SLC27A1: variants seen among roughly 807,000 people sequenced by gnomAD.
SLC27A1 encodes the protein long-chain fatty acid transport protein 1.
Under a neutral mutation model 62.2 loss-of-function variants are expected in SLC27A1, and 61 were observed. The ratio of observed to expected loss-of-function variants is 0.98; its 90% CI spans 0.80 to 1.21. SLC27A1 has a LOEUF of 1.21. SLC27A1 is among the 50% of genes most tolerant of loss of function. SLC27A1 has a pLI of 0.00. For synonymous variants in SLC27A1, 435 were observed against 408.6 expected, an observed-to-expected ratio of 1.06 and a Z score of -0.78; for missense variants, 903 against 932.1, an observed-to-expected ratio of 0.97 and a Z score of 0.41.
In SLC27A1 at chr19:17,504,350, G is replaced by A. The variant is rs996788306; in HGVS notation, c.1784-105G>A. On this transcript the variant is annotated intron_variant, in intron 11 of 11. Transcript: ENST00000252595. ...AAATGGGGAAGAACATTCCTGCCCA[G>A]GGGACAGCCTGTGGGAAGGTCCAGA... 16 of 1,391,160 alleles carry A rather than the reference G, an allele frequency of 1.2e-5. No homozygotes were observed. In the African/African-American group the frequency reaches 1.7e-4, roughly 15 times the overall value. The allele number at this position is 1,391,160 out of a possible 1,614,324, so 86.2% of individuals were successfully genotyped here.
chr19:17,487,217 G>A lies in SLC27A1; in HGVS notation c.606G>A (p.Lys202=). The change falls in exon 3 of 12, where the codon AAG becomes AAA. Residue 202 remains lysine (K), a synonymous_variant. Transcript: ENST00000252595. ...GGCATCTGGGGAAAAGTTTGATCAA[G>A]TTCTGCTCTGGAGACTTGGGGCCCG... ...VSGHLGKSLI[K]FCSGDLGPEG... The A allele has an allele frequency of 6.2e-7, 1 of 1,614,146 alleles. No individual in the cohort carries two copies. Among genetic ancestry groups the A allele is most frequent in the African/African-American group, 1.3e-5 (1 of 75,040 alleles).
At chr19:17,474,927 GT>G (rs35702024) in intron 1 of SLC27A1, among the ~76,000 whole-genome samples, 78,154 of 147,504 alleles carry the variant, frequency 0.53, 21,154 homozygotes, top group African/African-American at 0.63. Context: ...ACTGCGCCCT[GT>G]TTTTTTTTTG....
chr19:17,471,230 C>T (rs1395320807), intron 1 of SLC27A1, among the ~76,000 whole-genome samples: 2 of 152,088 alleles, frequency 1.3e-5, no homozygotes, highest in Admixed American at 1.3e-4. Flanking sequence ...GAGGGATGAG[C>T]GAGCTGCTCT....
intron 4 of SLC27A1, among the ~76,000 whole-genome samples, chr19:17,488,365 GAAAC>G (rs2144581742): frequency 6.6e-6 from 1 of 152,126 alleles, no homozygotes; most frequent in African/African-American, 2.4e-5. Flanking sequence ...CTCAAAAAAA[GAAAC>G]AAATAACAAA....
chr19:17,480,386 T>G (rs1237473471), intron 1 of SLC27A1, among the ~76,000 whole-genome samples: 1 of 151,830 alleles, frequency 6.6e-6, no homozygotes, highest in Non-Finnish European at 1.5e-5. Flanking sequence ...TCTTTTTTTT[T>G]TCATGAAGAA....
At chr19:17,475,081 AT>A (rs1387093848) in intron 1 of SLC27A1, among the ~76,000 whole-genome samples, 2 of 151,654 alleles carry the variant, frequency 1.3e-5, no homozygotes, top group East Asian at 1.9e-4. Context: ...CACCCGGATA[AT>A]TTTTGTATTT....
At chr19:17,500,899 G>A in intron 10 of SLC27A1, 23 bp downstream of exon 10, 1 of 1,589,662 alleles carries the variant, frequency 6.3e-7, no homozygotes, top group Non-Finnish European at 8.5e-7. Flanking sequence ...TGCAGGGGGT[G>A]GTCCTGAGGC....
At chr19:17,494,436 TC>T (rs1159330080) in intron 6 of SLC27A1, among the ~76,000 whole-genome samples, 7 of 152,024 alleles carry the variant, frequency 4.6e-5, no homozygotes, top group African/African-American at 1.7e-4. Flanking sequence ...CAGGTGATTC[TC>T]CTGCCTCAGG....
At chr19:17,497,545 C>A in intron 7 of SLC27A1, 81 bp downstream of exon 7, 1 of 1,283,020 alleles carries the variant, frequency 7.8e-7, no homozygotes, top group South Asian at 1.3e-5. Context: ...CCCTGGGATA[C>A]ATAAAACAGC....
intron 1 of SLC27A1, among the ~76,000 whole-genome samples, chr19:17,483,485 C>G (rs145115992): frequency 2.0e-5 from 3 of 152,156 alleles, no homozygotes; most frequent in Non-Finnish European, 4.4e-5. Flanking sequence ...AGTATTGTCA[C>G]TAGGAGTTCA....
intron 6 of SLC27A1, among the ~76,000 whole-genome samples, chr19:17,494,159 C>T (rs188148140): frequency 6.6e-6 from 1 of 151,402 alleles, no homozygotes; most frequent in African/African-American, 2.4e-5. Context: ...GCTGGGACTA[C>T]AGGCGCCCGC....
At chr19:17,485,582 T>C (rs1038835031) in intron 1 of SLC27A1, among the ~76,000 whole-genome samples, 2 of 151,848 alleles carry the variant, frequency 1.3e-5, no homozygotes, top group Non-Finnish European at 2.9e-5. Flanking sequence ...GTAATTCCAA[T>C]ACTTTGGGAG....
chr19:17,497,329 C>G lies in SLC27A1; in HGVS notation c.1071C>G (p.Arg357=). 1 of 1,605,198 alleles carries G rather than the reference C, an allele frequency of 6.2e-7. No individual in the cohort carries two copies. The highest frequency in any genetic ancestry group is 8.5e-7 in the Non-Finnish European group (1 of 1,177,374). ...QPVREAERRH[R]VRLAVGNGLR... ...TGCGCGAGGCGGAGAGGCGACACCGCGTGCGCCTGGCGGTGGGGAACGGGC... is the reference window on the plus strand; with the variant it reads ...TGCGCGAGGCGGAGAGGCGACACCGGGTGCGCCTGGCGGTGGGGAACGGGC... The change falls in exon 7 of 12, where the codon CGC becomes CGG. Residue 357 remains arginine, a synonymous_variant. Transcript: ENST00000252595.
chr19:17,470,560 G>T lies in SLC27A1; in HGVS notation c.20G>T (p.Gly7Val). The T allele has an allele frequency of 2.6e-6, 4 of 1,564,042 alleles. No homozygotes were observed. The highest frequency in any genetic ancestry group is 3.4e-6 in the Non-Finnish European group (4 of 1,164,078). Reference protein sequence around the residue: MRAPGAGAASVVSLALL... With the variant: MRAPGAVAASVVSLALL... ...CCCAGGATGCGGGCTCCGGGTGCGG[G>T]CGCGGCCTCGGTGGTCTCGCTGGCG... is the stretch of plus-strand genomic sequence containing the variant. Residue 7 changes from glycine to valine, a missense_variant, in exon 1 of 12, where the codon GGC becomes GTC. Gly to Val is a moderately radical substitution (Grantham distance 109). Transcript: ENST00000252595.
At chr19:17,497,521 C>T (rs772718211) in intron 7 of SLC27A1, 57 bp downstream of exon 7, 52 of 1,476,846 alleles carry the variant, frequency 3.5e-5, no homozygotes, top group Non-Finnish European at 4.7e-5. Context: ...ACCACTGTCT[C>T]CTCTTCCTGG....
Position 17,487,242 on chromosome 19 carries a change from G to A in SLC27A1, c.631G>A (p.Glu211Lys), listed in dbSNP as rs369713751. 6 of 1,613,954 alleles carry A rather than the reference G, an allele frequency of 3.7e-6. No individual in the cohort carries two copies. The African/African-American group carries it at 4.0e-5, about 11-fold the overall frequency. The change falls in exon 3 of 12, where the codon GAG (glutamate) becomes AAG (lysine). Residue 211 changes from glutamate to lysine, a missense_variant. Physicochemically the swap from Glu to Lys is moderately conservative, Grantham distance 56. Transcript: ENST00000252595. ...IKFCSGDLGP[E>K]GILPDTHLLD... ...GTTCTGCTCTGGAGACTTGGGGCCCGAGGGCATCTTGCCGGACACCCACCT... is the reference window on the plus strand; with the variant it reads ...GTTCTGCTCTGGAGACTTGGGGCCCAAGGGCATCTTGCCGGACACCCACCT...
chr19:17,487,872 CATCT>C (rs1174771294), intron 4 of SLC27A1, among the ~76,000 whole-genome samples: 4 of 151,984 alleles, frequency 2.6e-5, no homozygotes, highest in African/African-American at 9.7e-5. Context: ...CCGTCCTCTC[CATCT>C]GTCTACTTTT....
chr19:17,476,793 T>A (rs2075126778), intron 1 of SLC27A1, among the ~76,000 whole-genome samples: 1 of 151,958 alleles, frequency 6.6e-6, no homozygotes, highest in African/African-American at 2.4e-5. Context: ...CAAATGGGGA[T>A]CTGAGGGACC....
chr19:17,473,604 G>C (rs561769978), intron 1 of SLC27A1, among the ~76,000 whole-genome samples: 1 of 152,298 alleles, frequency 6.6e-6, no homozygotes, highest in Admixed American at 6.5e-5. Flanking sequence ...GCTCACACCT[G>C]TAATCCCAGC....
Sources: gnomAD v4.1 joint callset for allele counts (sites outside exome capture counted in the v4.1 genomes callset) on GRCh38, gnomAD v4.1.1 for gene constraint, MANE v1.5 for transcripts, NCBI Gene and HGNC (gene_info 2026-07-23, HGNC 2026-07-21) for gene names.